The following ATG7 variants were observed in gnomAD, a reference collection of about 807,000 sequenced individuals.
The protein encoded by ATG7 is autophagy related 7.
ATG7 carries 70 observed loss-of-function variants against 82.4 expected under a neutral mutation model. The observed-to-expected ratio is 0.85, with a 90% confidence interval of 0.70 to 1.04. The LOEUF is 1.04. Among genes scored for constraint, ATG7 ranks in the 50% least tolerant of loss-of-function variants. The pLI is 0.00. For missense variants in ATG7, 792 were observed against 864.3 expected, an observed-to-expected ratio of 0.92 and a Z score of 1.05; for synonymous variants, 287 against 313.0, an observed-to-expected ratio of 0.92 and a Z score of 0.88.
intron 19 of ATG7, among the ~76,000 whole-genome samples, chr3:11,401,668 A>C (rs766801005): frequency 1.3e-5 from 2 of 152,164 alleles, no homozygotes; most frequent in Non-Finnish European, 2.9e-5. Flanking sequence ...CTGTTTTATA[A>C]GCCATTCTGT....
chr3:11,394,916 A>G (rs2079088133), intron 19 of ATG7, among the ~76,000 whole-genome samples: 1 of 152,178 alleles, frequency 6.6e-6, no homozygotes, highest in Non-Finnish European at 1.5e-5. Flanking sequence ...AGGTACCATA[A>G]GTGAGAGTTG....
chr3:11,303,541 G>A (rs988201195), intron 5 of ATG7, among the ~76,000 whole-genome samples: 4 of 151,388 alleles, frequency 2.6e-5, no homozygotes, highest in Admixed American at 6.6e-5. Flanking sequence ...TGGTGCCGGC[G>A]CCTGTAGTCC....
intron 14 of ATG7, among the ~76,000 whole-genome samples, chr3:11,354,647 C>T (rs909293763): frequency 1.3e-5 from 1 of 76,234 alleles, no homozygotes; most frequent in Non-Finnish European, 2.4e-5. Context: ...GACTCCATCT[C>T]ACCAAAAAAA....
intron 20 of ATG7, among the ~76,000 whole-genome samples, chr3:11,454,132 T>C (rs2085467767): frequency 6.6e-6 from 1 of 152,160 alleles, no homozygotes; most frequent in African/African-American, 2.4e-5. Flanking sequence ...CTCTTTAAGA[T>C]AGAAACTAGA....
chr3:11,541,044 T>C lies in ATG7; in HGVS notation c.2080-13767T>C, dbSNP rs563843003. Among the ~76,000 whole-genome samples, 35 of 151,908 alleles carry C rather than the reference T, an allele frequency of 2.3e-4. No individual in the cohort carries two copies. In the East Asian group the frequency reaches 2.9e-3, roughly 13 times the overall value. On this transcript the variant is annotated intron_variant, in intron 20 of 20. Transcript: ENST00000693202. ...CCTCCCAAGTAGCTGGGACTACAGG[T>C]GCCCACCACCACACCTGGCTAATTT...
chr3:11,433,873 C>G (rs1212194309), intron 20 of ATG7, among the ~76,000 whole-genome samples: 1 of 152,126 alleles, frequency 6.6e-6, no homozygotes, highest in Non-Finnish European at 1.5e-5. Flanking sequence ...AAGCAACAAC[C>G]ATAACATAGG....
At chr3:11,427,570 C>T (rs893908472) in intron 20 of ATG7, among the ~76,000 whole-genome samples, 1 of 149,864 alleles carries the variant, frequency 6.7e-6, no homozygotes, top group Non-Finnish European at 1.5e-5. Context: ...ATAATCCAAG[C>T]ACTTTGAGAG....
At chr3:11,403,297 G>A (rs1417376469) in intron 19 of ATG7, among the ~76,000 whole-genome samples, 1 of 151,808 alleles carries the variant, frequency 6.6e-6, no homozygotes, top group Admixed American at 6.6e-5. Context: ...GTAAGTTAAA[G>A]AGAGAATGGA....
Position 11,509,546 on chromosome 3 carries a change from T to G in ATG7, c.2080-45265T>G, listed in dbSNP as rs373689783. 9.2e-5 allele frequency among the ~76,000 whole-genome samples: 14 copies of G among 152,258 alleles called. No individual in the cohort carries two copies. The South Asian group carries it at 2.7e-3, about 29-fold the overall frequency. On this transcript the variant is annotated intron_variant, in intron 20 of 20. Transcript: ENST00000693202. ...GTTTGTATTTTATGAGCGTTTATAATGGCCTTTTAAGTAAGTGACGTTTTA... is the reference window on the plus strand; with the variant it reads ...GTTTGTATTTTATGAGCGTTTATAAGGGCCTTTTAAGTAAGTGACGTTTTA...
chr3:11,564,934 T>C, the ATG7 span: 1 of 1,586,274 alleles, frequency 6.3e-7, no homozygotes, highest in Non-Finnish European at 8.6e-7. Context: ...CCGTGCAGGC[T>C]CATGGTGGGG....
In ATG7 at chr3:11,385,412, A is replaced by C. The variant is rs1262581066; in HGVS notation, c.1956+5360A>C. Among the ~76,000 whole-genome samples the C allele has an allele frequency of 2.6e-5, 4 of 152,264 alleles. No homozygotes were observed. In the East Asian group the frequency reaches 7.7e-4, roughly 29 times the overall value. Reference sequence around the variant, plus strand: ...TGCAAATGCACCACTTAGAAAGGCAAATCATAGATTTGAAAGGAATGGTTA... The same window carrying C: ...TGCAAATGCACCACTTAGAAAGGCACATCATAGATTTGAAAGGAATGGTTA... On this transcript the variant is annotated intron_variant, in intron 19 of 20. Coordinates refer to ENST00000693202, the MANE Select transcript of ATG7 (RefSeq NM_001349232.2).
chr3:11,301,610 G>A (rs912064047), intron 5 of ATG7, among the ~76,000 whole-genome samples: 4 of 152,090 alleles, frequency 2.6e-5, no homozygotes, highest in Admixed American at 6.6e-5. Flanking sequence ...TTGCTCCATC[G>A]TAAACTGCTT....
At chr3:11,429,948 GAAAAAAAA>G (rs542247546) in intron 20 of ATG7, among the ~76,000 whole-genome samples, 24 of 126,164 alleles carry the variant, frequency 1.9e-4, no homozygotes, top group Non-Finnish European at 3.4e-4. Flanking sequence ...TCTGTCTCAG[GAAAAAAAA>G]AAAAAAAAAA....
chr3:11,322,899 G>T (rs1337955492), intron 9 of ATG7, among the ~76,000 whole-genome samples: 1 of 152,186 alleles, frequency 6.6e-6, no homozygotes, highest in African/African-American at 2.4e-5. Context: ...AGGAGTTCAA[G>T]ACCAGCATGG....
chr3:11,526,409 C>A lies in ATG7; in HGVS notation c.2080-28402C>A, dbSNP rs147414270. On this transcript the variant is annotated intron_variant, in intron 20 of 20. Transcript: ENST00000693202. Reference sequence around the variant, plus strand: ...TCAAGTCTCAAAAACAACAAAAAAACCCCCAGACAACAAGAAACATAATCT... The same window carrying A: ...TCAAGTCTCAAAAACAACAAAAAAAACCCCAGACAACAAGAAACATAATCT... Among the ~76,000 whole-genome samples the A allele has an allele frequency of 9.8e-3, 1,484 of 151,996 alleles. 12 individuals are homozygous for A. The highest frequency in any genetic ancestry group is 0.029 in the African/African-American group (1,200 of 41,490).
the ATG7 span, chr3:11,568,938 G>A: frequency 1.6e-6 from 2 of 1,231,532 alleles, no homozygotes; most frequent in South Asian, 4.0e-5. This position sits in a 1 kb window ranked among gnomAD's most constrained non-coding sequence, Gnocchi z 5.9. Context: ...ACTGCCAGCT[G>A]CCCACGGAGA....
At chr3:11,286,861 C>A (rs1944159543) in intron 3 of ATG7, among the ~76,000 whole-genome samples, 1 of 151,084 alleles carries the variant, frequency 6.6e-6, no homozygotes, top group South Asian at 2.1e-4. Flanking sequence ...CGCCTCAGAC[C>A]CCCAAAGTGC....
chr3:11,451,204 G>T (rs1018730121), intron 20 of ATG7, among the ~76,000 whole-genome samples: 8 of 134,562 alleles, frequency 5.9e-5, no homozygotes, highest in African/African-American at 2.0e-4. Flanking sequence ...TAGAAGTAAA[G>T]GTTGACACTT....
intron 9 of ATG7, among the ~76,000 whole-genome samples, chr3:11,327,177 T>C (rs1283236192): frequency 6.6e-6 from 1 of 152,176 alleles, no homozygotes; most frequent in African/African-American, 2.4e-5. Flanking sequence ...TAACTAGAGA[T>C]GGAAAGATGA....
Sources: allele counts gnomAD v4.1 joint callset (sites outside exome capture counted in the v4.1 genomes callset), GRCh38; gene constraint gnomAD v4.1.1; non-coding constraint Gnocchi (gnomAD v3.1); transcripts MANE v1.5; gene names NCBI Gene and HGNC (gene_info 2026-07-23, HGNC 2026-07-21).